Variants in ERI1 observed in about 807,000 individuals in gnomAD.
The protein encoded by ERI1 is exoribonuclease 1.
A neutral mutation model predicts 39.7 loss-of-function variants in ERI1; 39 were observed. The observed-to-expected ratio is 0.98, with a 90% confidence interval of 0.76 to 1.28. The LOEUF (loss-of-function observed/expected upper bound fraction) is 1.28. Among genes scored for constraint, ERI1 ranks in the 50% most tolerant of loss-of-function variants. The pLI, the probability that ERI1 is intolerant of heterozygous loss-of-function variation, is 0.00. For synonymous variants in ERI1, 204 were observed against 149.6 expected (o/e 1.36, Z -2.65); for missense variants, 581 against 416.9 (o/e 1.39, Z -3.43).
intron 3 of ERI1, among the ~76,000 whole-genome samples, chr8:9,056,705 A>T (rs893465941): frequency 2.6e-5 from 4 of 152,216 alleles, no homozygotes; most frequent in Admixed American, 2.6e-4. Flanking sequence ...ACCTTTACCA[A>T]TGTAGTAGCT....
chr8:9,054,957 C>T (rs182379504), intron 3 of ERI1, among the ~76,000 whole-genome samples: 347 of 152,176 alleles, frequency 2.3e-3, no homozygotes, highest in Non-Finnish European at 3.9e-3. Flanking sequence ...ATAAAATCAA[C>T]ACATAATAAA....
chr8:9,018,217 C>G, intron 4 of ERI1, 80 bp from the exon 5 acceptor site: 2 of 712,112 alleles, frequency 2.8e-6, no homozygotes, highest in Middle Eastern at 5.1e-4. Flanking sequence ...TTCTTCCCCT[C>G]CAACTTAGGT....
chr8:9,040,824 T>C (rs901492609), intron 3 of ERI1, among the ~76,000 whole-genome samples: 1 of 151,874 alleles, frequency 6.6e-6, no homozygotes, highest in African/African-American at 2.4e-5. Context: ...GTAAGGAGAG[T>C]GGAGCACAAA....
intron 3 of ERI1, among the ~76,000 whole-genome samples, chr8:9,067,952 A>G (rs11775429): frequency 0.3 from 45,044 of 151,998 alleles, 7,521 homozygotes; most frequent in Non-Finnish European, 0.39. Context: ...ACATATATGT[A>G]TATACACACA....
chr8:9,053,023 T>C (rs903355804), intron 3 of ERI1, among the ~76,000 whole-genome samples: 2 of 152,172 alleles, frequency 1.3e-5, no homozygotes, highest in Non-Finnish European at 2.9e-5. Context: ...GTTTTTGTTT[T>C]TGTTTTTGTT....
At chr8:9,041,764 C>T (rs969451325) in intron 3 of ERI1, among the ~76,000 whole-genome samples, 1 of 152,168 alleles carries the variant, frequency 6.6e-6, no homozygotes, top group Non-Finnish European at 1.5e-5. Context: ...GACAGAGTTT[C>T]GCTGTTGTCG....
chr8:9,020,354 T>C lies in ERI1; in HGVS notation c.697T>C (p.Trp233Arg). The C allele has an allele frequency of 6.4e-7, 1 of 1,563,514 alleles. No individual in the cohort carries two copies. Among genetic ancestry groups the C allele is most frequent in the Non-Finnish European group, 8.6e-7 (1 of 1,158,584 alleles). ...TTGTCCTTTTTTAATTTATAGTTCT[T>C]GGGATATGAGTAAGTTCTTGAACAT... ...YKYSLLTDGS[W>R]DMSKFLNIQC... is the part of the protein sequence containing the mutation. The change falls in exon 6 of 7, where the codon TGG becomes CGG. Residue 233 changes from tryptophan (W) to arginine (R), a missense_variant. Transcript: ENST00000250263.
chr8:9,006,179 G>A (rs966577326), intron 1 of ERI1, among the ~76,000 whole-genome samples: 6 of 152,212 alleles, frequency 3.9e-5, no homozygotes, highest in African/African-American at 1.4e-4. Flanking sequence ...ATTGATTTGA[G>A]CATCCTTCTT....
At chr8:9,024,540 C>A (rs569160761) in intron 6 of ERI1, among the ~76,000 whole-genome samples, 6 of 152,066 alleles carry the variant, frequency 3.9e-5, no homozygotes, top group African/African-American at 1.4e-4. Flanking sequence ...CCTGCCTCAG[C>A]GTCTCAAGTA....
rs1028691055 is a variant in ERI1 at position 9,032,099 on chromosome 8, C to T, written c.*2065C>T. ...TCCTCTGTTGAGTCTCTGTCCTCCC[C>T]TCCAATTTGATTTGGGATTTTGCTG... On this transcript the variant is annotated 3_prime_UTR_variant, in exon 7 of 7. Coordinates refer to ENST00000250263, the MANE Select transcript of ERI1 (RefSeq NM_153332.4). The T allele has an allele frequency of 6.6e-6, 1 of 152,164 alleles. No individual in the cohort carries two copies. The highest frequency in any genetic ancestry group is 1.5e-5 in the Non-Finnish European group (1 of 68,046). The allele number at this position is 152,164 out of a possible 1,614,324, so 9.4% of individuals were successfully genotyped here. A position where few individuals can be genotyped will look rare whatever the true frequency, so the allele number is the denominator to read the frequency against.
intron 1 of ERI1, among the ~76,000 whole-genome samples, chr8:9,005,619 A>G (rs1404350948): frequency 6.8e-6 from 1 of 147,184 alleles, no homozygotes; most frequent in African/African-American, 2.5e-5. Flanking sequence ...GGTTCACGCC[A>G]TTCTCCTGCC....
At chr8:9,016,612 G>A (rs1242110077) in intron 4 of ERI1, among the ~76,000 whole-genome samples, 1 of 151,256 alleles carries the variant, frequency 6.6e-6, no homozygotes, top group African/African-American at 2.4e-5. Context: ...CTCTTAAGGA[G>A]TTGTAGTGGT....
rs191179259 is a variant in ERI1, at chr8:9,054,550, G to A, written n.299+34086G>A. On this transcript the variant is annotated intron_variant and non_coding_transcript_variant, in intron 3 of 3. Transcript: ENST00000518663. ...ATTCTAGTTTTATGTGGCACAGGAG[G>A]CTTCAGGATAAAGACCCAAAGACCC... Among the ~76,000 whole-genome samples, 376 of 152,326 alleles carry A rather than the reference G, an allele frequency of 2.5e-3. 2 individuals are homozygous for A. The highest frequency in any genetic ancestry group is 8.2e-3 in the African/African-American group (343 of 41,576).
Position 9,003,145 on chromosome 8 carries a change from G to A in ERI1, c.82G>A (p.Glu28Lys). The A allele has an allele frequency of 1.6e-6, 2 of 1,244,596 alleles. No homozygotes were observed. The highest frequency in any genetic ancestry group is 3.8e-5 in the South Asian group (1 of 26,082). The allele number at this position is 1,244,596 out of a possible 1,614,324, so 77.1% of individuals were successfully genotyped here. A position where few individuals can be genotyped will look rare whatever the true frequency, so the allele number is the denominator to read the frequency against. Residue 28 changes from glutamate (E) to lysine (K), a missense_variant, in exon 1 of 7, where the codon GAG (glutamate) becomes AAG (lysine). Transcript: ENST00000250263. Reference sequence around the variant, plus strand: ...GGAGTCGCCGCGGCCGGAGGGCGGGGAGGAGCCGCCGCGTCCCAGTCCCGA... The same window carrying A: ...GGAGTCGCCGCGGCCGGAGGGCGGGAAGGAGCCGCCGCGTCCCAGTCCCGA... Reference protein sequence around the residue: ...LLESPRPEGGEEPPRPSPEET... With the variant: ...LLESPRPEGGKEPPRPSPEET...
intron 3 of ERI1, among the ~76,000 whole-genome samples, chr8:9,063,008 C>T (rs1357196351): frequency 6.6e-6 from 1 of 152,098 alleles, no homozygotes; most frequent in Non-Finnish European, 1.5e-5. Flanking sequence ...ACAGTGGAGG[C>T]AAGGAATTGC....
chr8:9,077,737 T>C (rs2979243), intron 3 of ERI1, among the ~76,000 whole-genome samples: 55,235 of 152,170 alleles, frequency 0.36, 10,989 homozygotes, highest in Non-Finnish European at 0.46. Flanking sequence ...CCCTGGCTGA[T>C]GATTGCATTC....
chr8:9,045,008 C>T (rs923155544), intron 3 of ERI1, among the ~76,000 whole-genome samples: 1 of 152,046 alleles, frequency 6.6e-6, no homozygotes, highest in Non-Finnish European at 1.5e-5. Context: ...GAGGCCGAGT[C>T]AGGCGGATCA....
intron 3 of ERI1, among the ~76,000 whole-genome samples, chr8:9,015,758 C>T (rs1304664887): frequency 6.9e-6 from 1 of 145,926 alleles, no homozygotes; most frequent in Non-Finnish European, 1.5e-5. Flanking sequence ...ATCGTGAAAG[C>T]TTCTTGAAAA....
chr8:9,025,461 G>T (rs1018666605), intron 6 of ERI1, among the ~76,000 whole-genome samples: 3 of 152,234 alleles, frequency 2.0e-5, no homozygotes, highest in African/African-American at 7.2e-5. Context: ...GTTTTGCAGC[G>T]CTTCTTCCAA....
Sources: allele counts gnomAD v4.1 joint callset (sites outside exome capture counted in the v4.1 genomes callset), GRCh38; gene constraint gnomAD v4.1.1; transcripts MANE v1.5; gene names NCBI Gene and HGNC (gene_info 2026-07-23, HGNC 2026-07-21).